KDM4B: variants seen among roughly 807,000 people sequenced by gnomAD.
The protein encoded by KDM4B is lysine-specific demethylase 4B.
A neutral mutation model predicts 125.2 loss-of-function variants in KDM4B; 32 were observed. That is an observed-to-expected ratio of 0.26 (90% confidence interval 0.19 to 0.34). KDM4B has a LOEUF of 0.34. Ranked by LOEUF, KDM4B falls within the 10% of genes least tolerant of loss-of-function variation. The probability of loss-of-function intolerance (pLI) is 1.00; values close to 1 mark genes in which losing one functional copy is unlikely to be tolerated. For synonymous variants in KDM4B, 721 were observed against 677.9 expected, an observed-to-expected ratio of 1.06 and a Z score of -0.99; for missense variants, 1,190 against 1,577.7, an observed-to-expected ratio of 0.75 and a Z score of 4.16.
intron 9 of KDM4B, among the ~76,000 whole-genome samples, chr19:5,107,464 G>C (rs1056956440): frequency 1.3e-5 from 2 of 152,214 alleles, no homozygotes; most frequent in African/African-American, 4.8e-5. Context: ...GTCCCAGAGA[G>C]TGGGGAGCTA....
intron 21 of KDM4B, among the ~76,000 whole-genome samples, chr19:5,146,462 G>A (rs1266471159): frequency 1.3e-5 from 2 of 152,246 alleles, no homozygotes; most frequent in African/African-American, 2.4e-5. Flanking sequence ...TGTCACTTCT[G>A]CTCAGCTCCA....
At chr19:5,091,792 A>G (rs2038711549) in intron 9 of KDM4B, among the ~76,000 whole-genome samples, 1 of 152,046 alleles carries the variant, frequency 6.6e-6, no homozygotes, top group South Asian at 2.1e-4. Flanking sequence ...GAGGTGCGGG[A>G]AACTCCAGCC....
At chr19:5,052,900 G>A (rs1194841147) in intron 6 of KDM4B, among the ~76,000 whole-genome samples, 1 of 152,180 alleles carries the variant, frequency 6.6e-6, no homozygotes, top group Non-Finnish European at 1.5e-5. Context: ...CCCACCAGCA[G>A]TGGGGACCTA....
intron 6 of KDM4B, among the ~76,000 whole-genome samples, chr19:5,048,273 C>T (rs748425736): frequency 2.0e-5 from 3 of 152,212 alleles, no homozygotes; most frequent in South Asian, 2.1e-4. Flanking sequence ...CACGTCGCAG[C>T]GAGGCCGTGT....
chr19:5,045,899 C>T (rs1316636284), intron 5 of KDM4B, among the ~76,000 whole-genome samples: 6 of 152,338 alleles, frequency 3.9e-5, no homozygotes, highest in African/African-American at 1.2e-4. Flanking sequence ...CGTGAGCTAC[C>T]GCGCCTGGCC....
chr19:5,083,210 G>A (rs558288654), intron 9 of KDM4B, among the ~76,000 whole-genome samples: 18 of 152,298 alleles, frequency 1.2e-4, no homozygotes, highest in Middle Eastern at 3.4e-3. Flanking sequence ...CTAACGCCAC[G>A]TACAGCCATC....
intron 6 of KDM4B, 56 bp from the exon 7 acceptor site, chr19:5,070,954 C>A: frequency 6.3e-7 from 1 of 1,587,632 alleles, no homozygotes; most frequent in African/African-American, 1.3e-5. Flanking sequence ...ACCAGGGACA[C>A]CCCCTTGCGT....
chr19:5,088,285 C>T (rs1303186615), intron 9 of KDM4B, among the ~76,000 whole-genome samples: 1 of 152,212 alleles, frequency 6.6e-6, no homozygotes, highest in Non-Finnish European at 1.5e-5. Context: ...GATGCGCTCA[C>T]ATCCAGCTCT....
At chr19:5,034,736 C>T (rs1006849572) in intron 3 of KDM4B, among the ~76,000 whole-genome samples, 1 of 152,192 alleles carries the variant, frequency 6.6e-6, no homozygotes, top group African/African-American at 2.4e-5. Context: ...CCTTCGGTAT[C>T]AGACTCGCAT....
At chr19:5,074,152 C>A (rs919846422) in intron 7 of KDM4B, 1 of 152,514 alleles carries the variant, frequency 6.6e-6, no homozygotes, top group Non-Finnish European at 1.5e-5. Context: ...GGGAGCCAGC[C>A]TGGCTGTGAA....
At chr19:5,109,757 G>C (rs560618268) in intron 9 of KDM4B, among the ~76,000 whole-genome samples, 16 of 152,308 alleles carry the variant, frequency 1.1e-4, no homozygotes, top group Admixed American at 2.0e-4. Flanking sequence ...AGGCGTGCGG[G>C]AGCCTGTGGG....
At chr19:5,087,481 A>G (rs2038542577) in intron 9 of KDM4B, among the ~76,000 whole-genome samples, 1 of 152,118 alleles carries the variant, frequency 6.6e-6, no homozygotes, top group Non-Finnish European at 1.5e-5. Flanking sequence ...CCCAGACATC[A>G]CCTGCAGCGT....
chr19:4,970,810 G>T (rs1316400712), intron 1 of KDM4B, among the ~76,000 whole-genome samples: 6 of 147,248 alleles, frequency 4.1e-5, no homozygotes, highest in Non-Finnish European at 9.1e-5. Flanking sequence ...GGAGCGTAAA[G>T]CCGTGGTAGA....
At position 5,082,744 on chromosome 19, in the gene KDM4B, C is replaced by T. The variant is rs977739220; in HGVS notation, c.918+240C>T. Among the ~76,000 whole-genome samples the T allele has an allele frequency of 2.6e-5, 4 of 152,232 alleles. No homozygotes were observed. The highest frequency in any genetic ancestry group is 5.9e-5 in the Non-Finnish European group (4 of 68,030). Reference sequence around the variant, plus strand: ...ACGATGGTGGCCCAGGGCCCATCTCCAGCGAGTTCCATACACCAGTTATCC... The same window carrying T: ...ACGATGGTGGCCCAGGGCCCATCTCTAGCGAGTTCCATACACCAGTTATCC... On this transcript the variant is annotated intron_variant, in intron 9 of 22. Coordinates refer to ENST00000159111, the MANE Select transcript of KDM4B (RefSeq NM_015015.3). The surrounding 1 kb of genome is among the most constrained non-coding windows in gnomAD (Gnocchi z 5.4).
intron 6 of KDM4B, among the ~76,000 whole-genome samples, chr19:5,063,927 A>AT (rs1221901445): frequency 6.6e-6 from 1 of 152,110 alleles, no homozygotes; most frequent in Non-Finnish European, 1.5e-5. Context: ...CCGGGACTGC[A>AT]TGTCGGCTGA....
chr19:5,018,047 T>A (rs2035948262), intron 2 of KDM4B, among the ~76,000 whole-genome samples: 1 of 149,448 alleles, frequency 6.7e-6, no homozygotes, highest in South Asian at 2.1e-4. Context: ...CCAGTTAGCT[T>A]TATTTTTTTG....
intron 6 of KDM4B, among the ~76,000 whole-genome samples, chr19:5,047,999 C>CTT (rs2037083147): frequency 6.6e-6 from 1 of 152,224 alleles, no homozygotes; most frequent in Non-Finnish European, 1.5e-5. Flanking sequence ...GGCTGTGCTG[C>CTT]CTCACAGCCA....
chr19:5,146,755 C>CG (rs898885689), intron 21 of KDM4B, among the ~76,000 whole-genome samples: 2 of 59,750 alleles, frequency 3.3e-5, no homozygotes, highest in Non-Finnish European at 7.3e-5. Flanking sequence ...AGTGAGACCC[C>CG]CCCCCCCCCC....
intron 1 of KDM4B, among the ~76,000 whole-genome samples, chr19:5,011,595 C>T (rs1054386044): frequency 2.0e-5 from 3 of 152,186 alleles, no homozygotes; most frequent in Non-Finnish European, 4.4e-5. Context: ...GAGAGGCAGG[C>T]AGGGCTGGGC....
Sources: allele counts gnomAD v4.1 joint callset (sites outside exome capture counted in the v4.1 genomes callset), GRCh38; gene constraint gnomAD v4.1.1; non-coding constraint Gnocchi (gnomAD v3.1); transcripts MANE v1.5; gene names NCBI Gene and HGNC (gene_info 2026-07-23, HGNC 2026-07-21).